Variants in PCDHGB4 observed in about 807,000 individuals in gnomAD.
PCDHGB4 encodes the protein protocadherin gamma subfamily B, 4.
PCDHGB4 carries 38 observed loss-of-function variants against 60.5 expected under a neutral mutation model. That is an observed-to-expected ratio of 0.63 (90% CI 0.48 to 0.82). The LOEUF is 0.82. PCDHGB4 is among the 40% of genes least tolerant of loss of function. The probability of loss-of-function intolerance (pLI) is 0.00; values close to 1 mark genes in which losing one functional copy is unlikely to be tolerated. For missense variants in PCDHGB4, 1,109 were observed against 1,209.6 expected (o/e 0.92, Z 1.23); for synonymous variants, 456 against 509.7 (o/e 0.89, Z 1.42).
intron 1 of PCDHGB4, among the ~76,000 whole-genome samples, chr5:141,406,301 A>C (rs1447923303): frequency 6.6e-6 from 1 of 151,966 alleles, no homozygotes; most frequent in Non-Finnish European, 1.5e-5. Context: ...TGAGGTGTGA[A>C]CCACCTCACC....
At chr5:141,499,689 CTTT>C (rs545067566) in intron 2 of PCDHGB4, among the ~76,000 whole-genome samples, 2 of 119,848 alleles carry the variant, frequency 1.7e-5, no homozygotes, top group African/African-American at 3.1e-5. Context: ...TAACAGATGA[CTTT>C]TTTTTTTTTT....
intron 1 of PCDHGB4, among the ~76,000 whole-genome samples, chr5:141,443,780 A>G (rs1337883957): frequency 6.6e-6 from 1 of 152,202 alleles, no homozygotes; most frequent in Non-Finnish European, 1.5e-5. Flanking sequence ...TACCAAAAAG[A>G]CAAAAAAAAT....
In PCDHGB4 at chr5:141,389,513, C is replaced by T. The variant is rs749432491; in HGVS notation, c.1629C>T (p.Asn543=). The change falls in exon 1 of 4, where the codon AAC becomes AAT. Residue 543 remains asparagine, a synonymous_variant. Transcript: ENST00000519479. The part of the protein sequence containing the change: ...RDQGSPALSA[N]VSLRVLVDDR... ...AGGGCTCGCCAGCGCTCAGCGCGAA[C>T]GTGAGCCTGCGCGTGTTAGTGGACG... 1.9e-6 allele frequency: 3 copies of T among 1,613,156 alleles called. No homozygotes were observed. The highest frequency in any genetic ancestry group is 1.1e-5 in the South Asian group (1 of 91,052).
chr5:141,450,555 C>T (rs958577638), intron 1 of PCDHGB4, among the ~76,000 whole-genome samples: 4 of 151,710 alleles, frequency 2.6e-5, no homozygotes, highest in East Asian at 1.9e-4. Flanking sequence ...GGCGCAGTCT[C>T]GGCTCACTGC....
chr5:141,476,798 C>T lies in PCDHGB4; in HGVS notation c.2398-18009C>T. 3.1e-6 allele frequency: 5 copies of T among 1,613,660 alleles called. No homozygotes were observed. The highest frequency in any genetic ancestry group is 4.2e-6 in the Non-Finnish European group (5 of 1,180,028). ...AGGGACCCCAGCTCTCTCCGCCAGC[C>T]TGCCTATTCACATCAAGGTGCTGGA... On this transcript the variant is annotated intron_variant, in intron 1 of 3. Coordinates refer to ENST00000519479, the MANE Select transcript of PCDHGB4 (RefSeq NM_003736.4). This position sits in a 1 kb window ranked among gnomAD's most constrained non-coding sequence, Gnocchi z 7.6.
intron 1 of PCDHGB4, chr5:141,410,443 T>A (rs1207487083): frequency 6.2e-7 from 1 of 1,613,926 alleles, no homozygotes; most frequent in Non-Finnish European, 8.5e-7. Context: ...GTGAGGGGAC[T>A]TTGCCTTATT....
chr5:141,402,901 T>TG, intron 1 of PCDHGB4: 1 of 1,520,230 alleles, frequency 6.6e-7, no homozygotes, highest in Non-Finnish European at 8.8e-7. Context: ...AAGAACCTGA[T>TG]GAAGCAGCGC....
At position 141,432,898 on chromosome 5, in the gene PCDHGB4, G is replaced by C. The variant is rs746913952; in HGVS notation, c.2397+42617G>C. ...TGGCCTTCGTCATCTTGCTGCTGGC[G>C]CTCAGGCTGCGGCGCTGGCACAAGT... On this transcript the variant is annotated intron_variant, in intron 1 of 3. Coordinates refer to ENST00000519479, the MANE Select transcript of PCDHGB4 (RefSeq NM_003736.4). The surrounding 1 kb of genome is among the most constrained non-coding windows in gnomAD (Gnocchi z 6.0). 28 of 1,614,056 alleles carry C rather than the reference G, an allele frequency of 1.7e-5. No individual in the cohort carries two copies. In the African/African-American group the frequency reaches 2.4e-4, roughly 14 times the overall value.
At chr5:141,484,071 T>C (rs1405337642) in intron 1 of PCDHGB4, among the ~76,000 whole-genome samples, 1 of 152,144 alleles carries the variant, frequency 6.6e-6, no homozygotes, top group Non-Finnish European at 1.5e-5. Flanking sequence ...GTGAAAAGCT[T>C]GCTCTTTTGA....
chr5:141,415,657 G>A, intron 1 of PCDHGB4: 1 of 1,576,236 alleles, frequency 6.3e-7, no homozygotes, highest in Non-Finnish European at 8.6e-7. Flanking sequence ...AAAAAAGATT[G>A]GTTTTTACTT....
intron 1 of PCDHGB4, chr5:141,393,118 G>A: frequency 3.7e-6 from 6 of 1,613,472 alleles, no homozygotes; most frequent in Non-Finnish European, 5.1e-6. Flanking sequence ...AGCCCGCGGT[G>A]TCTGATAAAT....
At chr5:141,463,728 G>C (rs957615020) in intron 1 of PCDHGB4, among the ~76,000 whole-genome samples, 3 of 152,066 alleles carry the variant, frequency 2.0e-5, no homozygotes, top group African/African-American at 7.2e-5. Context: ...TTACAGGCAT[G>C]AGCCACCGCG....
chr5:141,474,986 A>G (rs1328341214), intron 1 of PCDHGB4, among the ~76,000 whole-genome samples: 1 of 152,238 alleles, frequency 6.6e-6, no homozygotes, highest in Non-Finnish European at 1.5e-5. Context: ...GTTTGGTGAC[A>G]ACAATTCTAA....
chr5:141,414,443 A>G (rs1413718059), intron 1 of PCDHGB4: 1 of 1,613,892 alleles, frequency 6.2e-7, no homozygotes, highest in Non-Finnish European at 8.5e-7. Flanking sequence ...TCCTCTTACA[A>G]TATCACAGTG....
At chr5:141,453,490 G>T (rs921556476) in intron 1 of PCDHGB4, among the ~76,000 whole-genome samples, 3 of 151,922 alleles carry the variant, frequency 2.0e-5, no homozygotes, top group African/African-American at 7.3e-5. Context: ...TTAAAAAAAG[G>T]TGTACTCAGA....
rs757755103 is a variant in PCDHGB4 at position 141,432,638 on chromosome 5, C to T, written c.2397+42357C>T. 1.2e-6 allele frequency: 2 copies of T among 1,613,810 alleles called. No homozygotes were observed. Among genetic ancestry groups the T allele is most frequent in the Non-Finnish European group, 8.5e-7 (1 of 1,179,930 alleles). ...GGTGGGTCTGCACACGGGCGAGGTG[C>T]GCACGGCGCGAGCCCTGCTGGACAG... is the stretch of plus-strand genomic sequence containing the variant. On this transcript the variant is annotated intron_variant, in intron 1 of 3. Transcript: ENST00000519479. The surrounding 1 kb of genome is among the most constrained non-coding windows in gnomAD (Gnocchi z 6.0).
chr5:141,389,330 C>A lies in PCDHGB4; in HGVS notation c.1446C>A (p.Asn482Lys). Residue 482 changes from asparagine (N) to lysine (K), a missense_variant, in exon 1 of 4, where the codon AAC (asparagine) becomes AAA (lysine). Asn to Lys is a moderately conservative substitution (Grantham distance 94). Coordinates refer to ENST00000519479, the MANE Select transcript of PCDHGB4 (RefSeq NM_003736.4). The stretch of plus-strand genomic sequence containing the variant: ...CTTCTGATCCGGACTTGGGGCCCAA[C>A]GGCCAAGTCTCTTACTGCATCATGG... The part of the protein sequence containing the change: ...VRASDPDLGP[N>K]GQVSYCIMAS... 2 of 1,614,000 alleles carry A rather than the reference C, an allele frequency of 1.2e-6. No homozygotes were observed. Among genetic ancestry groups the A allele is most frequent in the Non-Finnish European group, 1.7e-6 (2 of 1,179,904 alleles).
chr5:141,466,085 G>T (rs1028177123), intron 1 of PCDHGB4, among the ~76,000 whole-genome samples: 2 of 151,984 alleles, frequency 1.3e-5, no homozygotes, highest in African/African-American at 4.8e-5. Flanking sequence ...TCATGCCACT[G>T]CACTCCAGCC....
intron 1 of PCDHGB4, among the ~76,000 whole-genome samples, chr5:141,450,503 T>G (rs1196541899): frequency 3.3e-5 from 5 of 152,258 alleles, no homozygotes; most frequent in Admixed American, 6.5e-5. Context: ...TTGTTTGTTT[T>G]GAGATGGAGT....
Sources: allele counts gnomAD v4.1 joint callset (sites outside exome capture counted in the v4.1 genomes callset), GRCh38; gene constraint gnomAD v4.1.1; non-coding constraint Gnocchi (gnomAD v3.1); transcripts MANE v1.5; gene names NCBI Gene and HGNC (gene_info 2026-07-23, HGNC 2026-07-21).